SLC39A12: variants seen among roughly 807,000 people sequenced by gnomAD.
The protein encoded by SLC39A12 is solute carrier family 39 member 12.
SLC39A12 carries 63 observed loss-of-function variants against 71.1 expected under a neutral mutation model. The observed-to-expected ratio is 0.89, with a 90% CI of 0.72 to 1.09. SLC39A12 has a LOEUF of 1.09. SLC39A12 is among the 50% of genes least tolerant of loss of function. The probability of loss-of-function intolerance (pLI) is 0.00; values close to 1 mark genes in which losing one functional copy is unlikely to be tolerated. For synonymous variants in SLC39A12, 351 were observed against 301.3 expected (o/e 1.16, Z -1.71); for missense variants, 892 against 812.6 (o/e 1.10, Z -1.19).
At chr10:18,036,791 TA>T (rs1444651950) in intron 12 of SLC39A12, among the ~76,000 whole-genome samples, 450 of 28,036 alleles carry the variant, frequency 0.016, 17 homozygotes, top group Middle Eastern at 0.029. Flanking sequence ...TATATATATA[TA>T]TATTTTTTTT....
intron 12 of SLC39A12, among the ~76,000 whole-genome samples, chr10:18,037,400 A>G (rs1339234050): frequency 1.3e-5 from 2 of 152,138 alleles, no homozygotes; most frequent in African/African-American, 4.8e-5. Flanking sequence ...TCAGATAGAA[A>G]CAGTGAATCT....
chr10:17,953,967 T>C (rs543069915), intron 2 of SLC39A12, among the ~76,000 whole-genome samples: 1 of 152,204 alleles, frequency 6.6e-6, no homozygotes, highest in East Asian at 1.9e-4. Flanking sequence ...CCTGGCATGG[T>C]ATTTTCTAAT....
chr10:17,999,481 G>A (rs1335369891), intron 10 of SLC39A12, among the ~76,000 whole-genome samples: 1 of 151,990 alleles, frequency 6.6e-6, no homozygotes, highest in African/African-American at 2.4e-5. Context: ...ACCAAAATAA[G>A]TACTATGCTC....
intron 9 of SLC39A12, among the ~76,000 whole-genome samples, chr10:17,994,490 T>A (rs1835635232): frequency 6.6e-6 from 1 of 152,212 alleles, no homozygotes; most frequent in Admixed American, 6.5e-5. Context: ...CTTTACATAA[T>A]GTGACAATAA....
chr10:18,039,334 T>C (rs1306947138), intron 12 of SLC39A12, among the ~76,000 whole-genome samples: 2 of 152,202 alleles, frequency 1.3e-5, no homozygotes, highest in Admixed American at 6.5e-5. Flanking sequence ...GTCTCACAGA[T>C]GCAGTTTGAG....
At chr10:17,981,200 G>A in intron 5 of SLC39A12, 112 bp from the exon 6 acceptor site, 2 of 870,252 alleles carry the variant, frequency 2.3e-6, no homozygotes, top group South Asian at 4.8e-5. Flanking sequence ...CCGGCTTCAT[G>A]TGTGTGTTCT....
At chr10:18,007,316 T>G (rs953229810) in intron 12 of SLC39A12, 2 of 152,184 alleles carry the variant, frequency 1.3e-5, no homozygotes, top group African/African-American at 4.8e-5. Flanking sequence ...GTGTATCCTC[T>G]AGTTGCCTGG....
intron 2 of SLC39A12, among the ~76,000 whole-genome samples, chr10:17,958,947 T>C (rs1834618399): frequency 6.6e-6 from 1 of 152,162 alleles, no homozygotes. Context: ...TTCATTACTT[T>C]ATGCATTTTT....
chr10:17,967,610 G>A (rs891330699), intron 4 of SLC39A12, among the ~76,000 whole-genome samples: 11 of 151,968 alleles, frequency 7.2e-5, no homozygotes, highest in Admixed American at 1.3e-4. Context: ...CAGGCCGGGC[G>A]CGGTGGCTCA....
intron 12 of SLC39A12, among the ~76,000 whole-genome samples, chr10:18,014,182 A>G (rs1437348135): frequency 6.6e-6 from 1 of 151,834 alleles, no homozygotes; most frequent in Non-Finnish European, 1.5e-5. Context: ...TTTTTGGTTA[A>G]TTTTATTTCT....
At chr10:17,954,055 A>T (rs1213262012) in intron 2 of SLC39A12, among the ~76,000 whole-genome samples, 1 of 152,140 alleles carries the variant, frequency 6.6e-6, no homozygotes, top group Non-Finnish European at 1.5e-5. Context: ...CAGATGCTGC[A>T]GGTGGAGCTG....
At chr10:17,974,911 G>A (rs1415437854) in intron 4 of SLC39A12, among the ~76,000 whole-genome samples, 2 of 151,772 alleles carry the variant, frequency 1.3e-5, no homozygotes, top group African/African-American at 4.9e-5. Flanking sequence ...AGGAACTAGA[G>A]TCAAAACCTT....
chr10:18,005,711 T>C (rs1049569916), intron 12 of SLC39A12: 1 of 152,256 alleles, frequency 6.6e-6, no homozygotes, highest in Non-Finnish European at 1.5e-5. Context: ...ATGTTCCTGC[T>C]CCTTTTCTTG....
intron 12 of SLC39A12, among the ~76,000 whole-genome samples, chr10:18,037,411 CAGAT>C (rs780147850): frequency 1.2e-4 from 19 of 152,242 alleles, no homozygotes; most frequent in African/African-American, 4.6e-4. Context: ...CAGTGAATCT[CAGAT>C]AGAGAATTGA....
At chr10:18,007,905 A>G (rs1490339892) in intron 12 of SLC39A12, among the ~76,000 whole-genome samples, 1 of 152,180 alleles carries the variant, frequency 6.6e-6, no homozygotes, top group African/African-American at 2.4e-5. Context: ...AGAATGCCTT[A>G]ACTGTCTGGG....
chr10:18,040,672 G>A (rs1382215335), intron 12 of SLC39A12, among the ~76,000 whole-genome samples: 1 of 151,724 alleles, frequency 6.6e-6, no homozygotes. Flanking sequence ...GGGAGGCTGA[G>A]GTAGGAGAAT....
intron 6 of SLC39A12, among the ~76,000 whole-genome samples, chr10:17,982,459 TGAGA>T (rs67310312): frequency 0.15 from 21,658 of 140,962 alleles, 1,651 homozygotes; most frequent in African/African-American, 0.17. Context: ...TCTTTCTCTT[TGAGA>T]GAGCCTGCAA....
chr10:18,022,876 C>T (rs1836573264), intron 12 of SLC39A12, among the ~76,000 whole-genome samples: 1 of 152,176 alleles, frequency 6.6e-6, no homozygotes, highest in Admixed American at 6.5e-5. Context: ...ATTCTAGTCC[C>T]TGGTTTCACA....
chr10:17,986,964 C>A lies in SLC39A12; in HGVS notation c.1097-515C>A, dbSNP rs181006924. Among the ~76,000 whole-genome samples, 6 of 152,244 alleles carry A rather than the reference C, an allele frequency of 3.9e-5. No homozygotes were observed. In the East Asian group the frequency reaches 1.2e-3, roughly 29 times the overall value. The stretch of plus-strand genomic sequence containing the variant: ...GGATTATAGTGAGCTATAATCACAC[C>A]ACTCCACCCCAGCTTGAGCAGCAGA... On this transcript the variant is annotated intron_variant, in intron 6 of 12. Coordinates refer to ENST00000377369, the MANE Select transcript of SLC39A12 (RefSeq NM_001145195.2).
Sources: allele counts gnomAD v4.1 joint callset (sites outside exome capture counted in the v4.1 genomes callset), GRCh38; gene constraint gnomAD v4.1.1; transcripts MANE v1.5; gene names NCBI Gene and HGNC (gene_info 2026-07-23, HGNC 2026-07-21).